NTRK3: variants seen among roughly 807,000 people sequenced by gnomAD.
The protein encoded by NTRK3 is neurotrophic receptor tyrosine kinase 3.
A neutral mutation model predicts 91.7 loss-of-function variants in NTRK3; 24 were observed. The ratio of observed to expected loss-of-function variants is 0.26; its 90% CI spans 0.19 to 0.37. NTRK3 has a LOEUF of 0.37. Among genes scored for constraint, NTRK3 ranks in the 10% least tolerant of loss-of-function variants. NTRK3 has a pLI of 1.00. For synonymous variants in NTRK3, 483 were observed against 404.0 expected (o/e 1.20, Z -2.34); for missense variants, 880 against 1,068.9 (o/e 0.82, Z 2.46).
At chr15:88,109,405 A>G (rs904456751) in intron 13 of NTRK3, among the ~76,000 whole-genome samples, 2 of 152,244 alleles carry the variant, frequency 1.3e-5, no homozygotes, top group Non-Finnish European at 2.9e-5. Flanking sequence ...ACCTGACATT[A>G]AGCAAGGAGC....
At chr15:87,973,720 C>T (rs2073456747) in intron 14 of NTRK3, among the ~76,000 whole-genome samples, 1 of 152,038 alleles carries the variant, frequency 6.6e-6, no homozygotes, top group Non-Finnish European at 1.5e-5. Flanking sequence ...TAGATGGAAG[C>T]CAGACTCCCC....
chr15:88,011,526 T>C (rs948261982), intron 14 of NTRK3, among the ~76,000 whole-genome samples: 11 of 152,212 alleles, frequency 7.2e-5, no homozygotes, highest in African/African-American at 4.8e-5. Context: ...AGTAATCTGA[T>C]ATTTTCTGGC....
chr15:88,228,808 C>T (rs745929933), intron 3 of NTRK3, among the ~76,000 whole-genome samples: 3 of 152,168 alleles, frequency 2.0e-5, no homozygotes, highest in Admixed American at 6.5e-5. Flanking sequence ...CAGCTTCTGC[C>T]CCCTTCACCT....
intron 13 of NTRK3, among the ~76,000 whole-genome samples, chr15:88,076,013 T>C (rs1396431004): frequency 2.0e-5 from 3 of 152,226 alleles, no homozygotes; most frequent in South Asian, 2.1e-4. Context: ...GGTGGTGCTA[T>C]TGTTGTAGAT....
At chr15:88,012,765 C>G (rs1428627398) in intron 14 of NTRK3, among the ~76,000 whole-genome samples, 1 of 152,176 alleles carries the variant, frequency 6.6e-6, no homozygotes, top group Admixed American at 6.5e-5. Flanking sequence ...GAAACTACAC[C>G]AATATCTTAT....
chr15:87,923,337 C>A (rs1385391998), intron 17 of NTRK3, among the ~76,000 whole-genome samples: 2 of 152,198 alleles, frequency 1.3e-5, no homozygotes, highest in Admixed American at 6.5e-5. Context: ...CAGGCCAGGT[C>A]TATTAACAAC....
At chr15:88,070,819 G>A (rs1426771051) in intron 13 of NTRK3, among the ~76,000 whole-genome samples, 1 of 152,080 alleles carries the variant, frequency 6.6e-6, no homozygotes, top group Non-Finnish European at 1.5e-5. Context: ...TTGACAACAA[G>A]GGGCCTCAGG....
chr15:87,861,238 G>T (rs2064515364), exon 19 of NTRK3: 1 of 218,538 alleles, frequency 4.6e-6, no homozygotes, highest in Non-Finnish European at 9.2e-6. Flanking sequence ...TAGGGAGGGG[G>T]GATGGAAATC....
In NTRK3 at chr15:88,096,506, A is replaced by C. The variant is rs78323258; in HGVS notation, c.1396+29765T>G. ...GGCCCACCTGAGTCTCCTGGCAAAG[A>C]CAGCAGGCAGTTCAGCCCCCAAACT... On this transcript the variant is annotated intron_variant, in intron 13 of 18. Transcript: ENST00000394480. Among the ~76,000 whole-genome samples the C allele has an allele frequency of 4.1e-4, 62 of 152,248 alleles. No homozygotes were observed. In the East Asian group the frequency reaches 0.011, roughly 27 times the overall value.
In NTRK3 at chr15:87,883,709, G is replaced by A. The variant is rs954256512; in HGVS notation, c.2134-3281C>T. ...GAATTCCAAGATAAAAAATAAATAT[G>A]AAGTAAAAATAAGAAACATTTTCTG... On this transcript the variant is annotated intron_variant, in intron 17 of 18. Transcript: ENST00000394480. Among the ~76,000 whole-genome samples, 6 of 150,638 alleles carry A rather than the reference G, an allele frequency of 4.0e-5. No homozygotes were observed. In the South Asian group the frequency reaches 1.3e-3, roughly 31 times the overall value.
chr15:88,169,100 C>A (rs2151489668), intron 5 of NTRK3, among the ~76,000 whole-genome samples: 1 of 152,262 alleles, frequency 6.6e-6, no homozygotes, highest in East Asian at 1.9e-4. Flanking sequence ...GAGCGGAGAG[C>A]CCTGGAGGAC....
At chr15:87,991,956 T>C (rs2075320230) in intron 14 of NTRK3, among the ~76,000 whole-genome samples, 1 of 151,786 alleles carries the variant, frequency 6.6e-6, no homozygotes, top group Non-Finnish European at 1.5e-5. Flanking sequence ...CAGGTCAGTA[T>C]CTGGCACATG....
intron 13 of NTRK3, 86 bp downstream of exon 13, chr15:88,126,185 C>A: frequency 2.0e-6 from 2 of 1,001,496 alleles, no homozygotes; most frequent in South Asian, 1.3e-5. Flanking sequence ...TCTCAGAGAG[C>A]AATGGGAGAT....
chr15:88,113,420 A>G (rs2051666650), intron 13 of NTRK3, among the ~76,000 whole-genome samples: 1 of 144,280 alleles, frequency 6.9e-6, no homozygotes, highest in African/African-American at 2.6e-5. Flanking sequence ...GGTTCAAGTG[A>G]TTCTCCTGCC....
chr15:88,189,506 G>A (rs1452353407), intron 3 of NTRK3, among the ~76,000 whole-genome samples: 1 of 151,676 alleles, frequency 6.6e-6, no homozygotes, highest in African/African-American at 2.4e-5. Flanking sequence ...TCTGCAGTGG[G>A]GTGCAATGGC....
In NTRK3 at chr15:88,252,229, C is replaced by T. The variant is rs118109728; in HGVS notation, c.248+3677G>A. 3.1e-3 allele frequency among the ~76,000 whole-genome samples: 471 copies of T among 152,222 alleles called. 2 individuals carry two copies. Among genetic ancestry groups the T allele is most frequent in the Admixed American group, 9.5e-3 (146 of 15,298 alleles). On this transcript the variant is annotated intron_variant, in intron 3 of 18. Transcript: ENST00000394480. ...AACTGTGCCTACCGAGAGTGAGCCC[C>T]ATGATGCCTTTGGGGCCTGGCTCAT...
At chr15:88,089,147 C>T (rs376112769) in intron 13 of NTRK3, among the ~76,000 whole-genome samples, 1 of 78,654 alleles carries the variant, frequency 1.3e-5, no homozygotes, top group South Asian at 5.2e-4. Context: ...ATGACGGGGG[C>T]GGTGGGGGAG....
chr15:88,226,022 G>T (rs922484012), intron 3 of NTRK3, among the ~76,000 whole-genome samples: 3 of 152,202 alleles, frequency 2.0e-5, no homozygotes, highest in Non-Finnish European at 4.4e-5. Context: ...AAGCAGTCTG[G>T]AAGTCGAGAG....
At chr15:88,112,307 G>A (rs2051496456) in intron 13 of NTRK3, among the ~76,000 whole-genome samples, 1 of 152,228 alleles carries the variant, frequency 6.6e-6, no homozygotes, top group South Asian at 2.1e-4. Context: ...AAACTGGGCT[G>A]TCTATAAATG....
Sources: allele counts gnomAD v4.1 joint callset (sites outside exome capture counted in the v4.1 genomes callset), GRCh38; gene constraint gnomAD v4.1.1; transcripts MANE v1.5; gene names NCBI Gene and HGNC (gene_info 2026-07-23, HGNC 2026-07-21).